PRRG2: variants seen among roughly 807,000 people sequenced by gnomAD.
The protein encoded by PRRG2 is proline rich and Gla domain 2.
A neutral mutation model predicts 27.1 loss-of-function variants in PRRG2; 23 were observed. The observed-to-expected ratio is 0.85, with a 90% CI of 0.61 to 1.20. The LOEUF is 1.20. Ranked by LOEUF, PRRG2 falls within the 50% of genes most tolerant of loss-of-function variation. PRRG2 has a pLI of 0.00. For synonymous variants in PRRG2, 104 were observed against 103.4 expected, an observed-to-expected ratio of 1.01 and a Z score of -0.03; for missense variants, 276 against 254.8, an observed-to-expected ratio of 1.08 and a Z score of -0.57.
chr19:49,583,346 G>T (rs766594712), intron 2 of PRRG2, 42 bp downstream of exon 2: 1 of 1,594,690 alleles, frequency 6.3e-7, no homozygotes, highest in South Asian at 1.1e-5. Flanking sequence ...CTTGGCGTTG[G>T]CCTCCCCCTG....
chr19:49,589,702 G>A (rs1232388915), intron 5 of PRRG2, among the ~76,000 whole-genome samples, 198 bp from the exon 6 acceptor site: 1 of 151,912 alleles, frequency 6.6e-6, no homozygotes, highest in Non-Finnish European at 1.5e-5. Flanking sequence ...ACCTGTCTGT[G>A]TGCAGCTGCC....
At chr19:49,582,594 C>T (rs534305994) in intron 1 of PRRG2, among the ~76,000 whole-genome samples, 1 of 152,008 alleles carries the variant, frequency 6.6e-6, no homozygotes, top group East Asian at 1.9e-4. Flanking sequence ...TGGTGAAACC[C>T]CATCTCTACT....
At chr19:49,588,047 C>T (rs1165935925) in intron 4 of PRRG2, among the ~76,000 whole-genome samples, 4 of 152,070 alleles carry the variant, frequency 2.6e-5, no homozygotes, top group African/African-American at 9.7e-5. Context: ...CTAAAACATC[C>T]ACCTCCTGAG....
Position 49,588,555 on chromosome 19 carries a change from C to T in PRRG2, c.360C>T (p.Leu120=), listed in dbSNP as rs763346277. The T allele has an allele frequency of 2.4e-5, 38 of 1,571,478 alleles. No individual in the cohort carries two copies. The highest frequency in any genetic ancestry group is 7.0e-5 in the East Asian group (3 of 42,722). The part of the protein sequence containing the change: ...LAVGLTGGIL[L]IVLAGLGAFW... ...TGGGGCTGACAGGTGGCATCCTGCT[C>T]ATTGTCCTGGCCGGCCTGGGAGCCT... The change falls in exon 5 of 7, where the codon CTC becomes CTT. Residue 120 remains leucine, a synonymous_variant. Coordinates refer to ENST00000246794, the MANE Select transcript of PRRG2 (RefSeq NM_000951.3).
At chr19:49,582,815 C>T (rs1368759564) in intron 1 of PRRG2, among the ~76,000 whole-genome samples, 4 of 151,862 alleles carry the variant, frequency 2.6e-5, no homozygotes, top group South Asian at 2.1e-4. Flanking sequence ...GTGCAGTGAG[C>T]GGAGATCACA....
At position 49,581,370 on chromosome 19, in the gene PRRG2, G is replaced by C. The variant is rs1599772506; in HGVS notation, c.-125G>C. 6.6e-6 allele frequency: 1 copy of C among 152,182 alleles called. No individual in the cohort carries two copies. Among genetic ancestry groups the C allele is most frequent in the East Asian group, 1.9e-4 (1 of 5,202 alleles). The allele number at this position is 152,182 out of a possible 1,614,324, so 9.4% of individuals were successfully genotyped here. ...CAGGCCTGGTTACCGGGAGTGGGGC[G>C]CCCCTCCTCCTTATCCCCTCCCCTC... is the stretch of plus-strand genomic sequence containing the variant. On this transcript the variant is annotated 5_prime_UTR_variant, in exon 1 of 7. Coordinates refer to ENST00000246794, the MANE Select transcript of PRRG2 (RefSeq NM_000951.3).
At chr19:49,586,845 G>A (rs1168928411) in intron 4 of PRRG2, among the ~76,000 whole-genome samples, 2 of 151,968 alleles carry the variant, frequency 1.3e-5, no homozygotes, top group East Asian at 1.9e-4. Flanking sequence ...GCAAGACTCC[G>A]TCTCAAAACA....
At chr19:49,588,289 G>T (rs2080687356) in intron 4 of PRRG2, among the ~76,000 whole-genome samples, 1 of 152,176 alleles carries the variant, frequency 6.6e-6, no homozygotes, top group African/African-American at 2.4e-5. Flanking sequence ...TTACAGTGGG[G>T]TAGGGGTTAT....
At chr19:49,582,027 G>T (rs2080628441) in intron 1 of PRRG2, among the ~76,000 whole-genome samples, 1 of 151,716 alleles carries the variant, frequency 6.6e-6, no homozygotes, top group Non-Finnish European at 1.5e-5. Flanking sequence ...ATCACTTGAG[G>T]TCAGGAGTTT....
At chr19:49,583,824 C>T in intron 3 of PRRG2, 89 bp from the exon 4 acceptor site, 7 of 1,603,862 alleles carry the variant, frequency 4.4e-6, no homozygotes, top group Non-Finnish European at 6.0e-6. Context: ...CTTGGTGTCT[C>T]AGAAATCAGG....
upstream of PRRG2, chr19:49,580,659 T>A (rs975099887): frequency 6.6e-5 from 10 of 152,154 alleles, no homozygotes; most frequent in Admixed American, 2.6e-4. Flanking sequence ...CGGAAGTGCC[T>A]CGCCTGGCTT....
chr19:49,585,769 C>G (rs1180258568), intron 4 of PRRG2, among the ~76,000 whole-genome samples: 1 of 151,596 alleles, frequency 6.6e-6, no homozygotes, highest in Non-Finnish European at 1.5e-5. Flanking sequence ...TGCACTCCAG[C>G]CTGGGAGATG....
In PRRG2 at chr19:49,583,248, T is replaced by C. The variant is rs1168480861; in HGVS notation, c.29T>C (p.Leu10Pro). Residue 10 changes from leucine to proline, a missense_variant, in exon 2 of 7, where the codon CTA (leucine) becomes CCA (proline). Physicochemically the swap from Leu to Pro is moderately conservative, Grantham distance 98. Transcript: ENST00000246794. ...AGGGGCCACCCCTCTCTGCTGCTGC[T>C]ATATATGGCATTAACCACCTGCCTG... MRGHPSLLL[L>P]YMALTTCLDT... 14 of 1,614,170 alleles carry C rather than the reference T, an allele frequency of 8.7e-6. No homozygotes were observed. Among genetic ancestry groups the C allele is most frequent in the Non-Finnish European group, 1.2e-5 (14 of 1,180,018 alleles).
At chr19:49,584,028 T>C in intron 4 of PRRG2, 76 bp downstream of exon 4, 1 of 1,425,988 alleles carries the variant, frequency 7.0e-7, no homozygotes, top group Non-Finnish European at 9.6e-7. Flanking sequence ...ACCAACGTCC[T>C]CCACCCCAAA....
chr19:49,583,680 AAGAGGCC>A lies in PRRG2; in HGVS notation c.227_233del (p.Glu76GlyfsTer37), dbSNP rs1202250965. On this transcript the variant is annotated frameshift_variant, in exon 3 of 7. Coordinates refer to ENST00000246794, the MANE Select transcript of PRRG2 (RefSeq NM_000951.3). LOFTEE classifies it high-confidence loss of function. ...TGTCTGGAAGAGAGGTGTTCCTGGG[AAGAGGCC>A]AGGGAGTATTTTGAGGACAACACTC... 1 of 1,614,040 alleles carries A rather than the reference AAGAGGCC, an allele frequency of 6.2e-7. No homozygotes were observed. The highest frequency in any genetic ancestry group is 1.3e-5 in the African/African-American group (1 of 74,918).
At chr19:49,589,005 G>A (rs1213632068) in intron 5 of PRRG2, among the ~76,000 whole-genome samples, 2 of 152,118 alleles carry the variant, frequency 1.3e-5, no homozygotes, top group Non-Finnish European at 2.9e-5. Flanking sequence ...AACAGGTGCA[G>A]CACCTGAGTG....
chr19:49,589,917 C>T lies in PRRG2; in HGVS notation c.455C>T (p.Pro152Leu). The change falls in exon 6 of 7, where the codon CCT (proline) becomes CTT (leucine). Residue 152 changes from proline (P) to leucine (L), a missense_variant. Pro to Leu is a moderately conservative substitution (Grantham distance 98). Coordinates refer to ENST00000246794, the MANE Select transcript of PRRG2 (RefSeq NM_000951.3). Reference sequence around the variant, plus strand: ...GTCCCCAGGGCCGGGCTCATTAGCCCTCTGAGTCCTTTGAACCCTCTGGGC... The same window carrying T: ...GTCCCCAGGGCCGGGCTCATTAGCCTTCTGAGTCCTTTGAACCCTCTGGGC... ...PCPQEAGLIS[P>L]LSPLNPLGPP... 1.9e-5 allele frequency: 30 copies of T among 1,612,806 alleles called. No homozygotes were observed. The highest frequency in any genetic ancestry group is 2.5e-5 in the Non-Finnish European group (30 of 1,179,950).
At position 49,590,495 on chromosome 19, in the gene PRRG2, A is replaced by G; in HGVS notation, c.*106A>G. On this transcript the variant is annotated 3_prime_UTR_variant, in exon 7 of 7. Transcript: ENST00000246794. ...GCCGAAGCTGGACTTGGAGTGGGGA[A>G]TGGTGGGAGTAGGGGTCATCCGGCC... The G allele has an allele frequency of 2.6e-6, 4 of 1,515,080 alleles. No individual in the cohort carries two copies. Among genetic ancestry groups the G allele is most frequent in the African/African-American group, 1.4e-5 (1 of 72,340 alleles). 93.9% of individuals were successfully genotyped at this position (1,515,080 alleles called of 1,614,324 possible). A position where few individuals can be genotyped will look rare whatever the true frequency, so the allele number is the denominator to read the frequency against.
intron 4 of PRRG2, among the ~76,000 whole-genome samples, chr19:49,586,653 T>C (rs8113357): frequency 0.32 from 49,283 of 151,834 alleles, 9,126 homozygotes; most frequent in African/African-American, 0.51. Flanking sequence ...GAGATCGAGA[T>C]CATCCTGGCC....
Sources: allele counts gnomAD v4.1 joint callset (sites outside exome capture counted in the v4.1 genomes callset), GRCh38; gene constraint gnomAD v4.1.1; transcripts MANE v1.5; gene names NCBI Gene and HGNC (gene_info 2026-07-23, HGNC 2026-07-21).